The following ERBB4 variants were observed in gnomAD, a reference collection of about 807,000 sequenced individuals.
ERBB4 encodes receptor tyrosine-protein kinase erbB-4.
Under a neutral mutation model 158.0 loss-of-function variants are expected in ERBB4, and 42 were observed. The observed-to-expected ratio is 0.27, with a 90% CI of 0.21 to 0.34. The LOEUF is 0.34. Ranked by LOEUF, ERBB4 falls within the 10% of genes least tolerant of loss-of-function variation. ERBB4 has a pLI of 1.00. For missense variants in ERBB4, 1,333 were observed against 1,624.1 expected (o/e 0.82, Z 3.08); for synonymous variants, 583 against 558.7 (o/e 1.04, Z -0.61).
At chr2:211,818,070 T>G (rs2105933897) in intron 3 of ERBB4, among the ~76,000 whole-genome samples, 1 of 152,282 alleles carries the variant, frequency 6.6e-6, no homozygotes, top group South Asian at 2.1e-4. Context: ...TTCCCATCTC[T>G]TCCATTAAAA....
chr2:212,487,188 G>A (rs1575011792), intron 1 of ERBB4, among the ~76,000 whole-genome samples: 1 of 152,066 alleles, frequency 6.6e-6, no homozygotes, highest in Non-Finnish European at 1.5e-5. Context: ...CTTTGACTGG[G>A]GAGAGGGAGG....
intron 1 of ERBB4, among the ~76,000 whole-genome samples, chr2:212,332,627 C>A (rs181492123): frequency 3.3e-5 from 5 of 151,846 alleles, no homozygotes; most frequent in Non-Finnish European, 7.4e-5. Flanking sequence ...TCTTTCCAAG[C>A]GTTCTGGCAT....
At chr2:211,590,641 T>G (rs2068431991) in intron 19 of ERBB4, among the ~76,000 whole-genome samples, 1 of 151,798 alleles carries the variant, frequency 6.6e-6, no homozygotes, top group Non-Finnish European at 1.5e-5. Flanking sequence ...CACCAAACTG[T>G]CTTTATAAAC....
At chr2:212,249,241 A>G (rs1029936660) in intron 1 of ERBB4, among the ~76,000 whole-genome samples, 16 of 151,990 alleles carry the variant, frequency 1.1e-4, no homozygotes, top group Admixed American at 2.0e-4. Flanking sequence ...GAAGGTACAA[A>G]TCTCCCACAT....
At chr2:212,262,166 G>C (rs983783403) in intron 1 of ERBB4, among the ~76,000 whole-genome samples, 1 of 152,176 alleles carries the variant, frequency 6.6e-6, no homozygotes, top group East Asian at 1.9e-4. Flanking sequence ...AGGGAGAATA[G>C]GAAAATCATT....
chr2:212,058,738 C>G (rs987816988), intron 2 of ERBB4, among the ~76,000 whole-genome samples: 1 of 152,198 alleles, frequency 6.6e-6, no homozygotes, highest in Non-Finnish European at 1.5e-5. Flanking sequence ...CAAAATTCAA[C>G]AGCCCTTCAT....
rs754541689 is a variant in ERBB4 at position 211,561,999 on chromosome 2, T to C, written c.2391A>G (p.Gln797=). 3.7e-6 allele frequency: 6 copies of C among 1,614,114 alleles called. No individual in the cohort carries two copies. The Admixed American group carries it at 1.0e-4, about 27-fold the overall frequency. ...CCAACAGGCAGCCATGGGGCATAAG[T>C]TGAGTAACCAGCTGGATGGTTGGGC... is the stretch of plus-strand genomic sequence containing the variant. ...CLSPTIQLVT[Q]LMPHGCLLEY... The change falls in exon 20 of 28, where the codon CAA becomes CAG. Residue 797 remains glutamine (Q), a synonymous_variant. Coordinates refer to ENST00000342788, the MANE Select transcript of ERBB4 (RefSeq NM_005235.3).
chr2:212,196,507 G>T (rs1212808329), intron 1 of ERBB4, among the ~76,000 whole-genome samples: 1 of 151,976 alleles, frequency 6.6e-6, no homozygotes, highest in Admixed American at 6.6e-5. Flanking sequence ...GTCTAAGTGG[G>T]TCCATGTAGT....
In ERBB4 at chr2:212,172,616, A is replaced by T. The variant is rs544015218; in HGVS notation, c.83-47713T>A. On this transcript the variant is annotated intron_variant, in intron 1 of 27. Coordinates refer to ENST00000342788, the MANE Select transcript of ERBB4 (RefSeq NM_005235.3). ...CTATGCAGCCATAAAAAGGAAGGAG[A>T]CCATATTTTTTCCAGGAATATGGAT... is the stretch of plus-strand genomic sequence containing the variant. Among the ~76,000 whole-genome samples the T allele has an allele frequency of 7.0e-4, 107 of 152,226 alleles. 1 individual carries two copies. In the East Asian group the frequency reaches 0.019, roughly 27 times the overall value.
At chr2:211,584,524 C>A (rs1215281398) in intron 19 of ERBB4, among the ~76,000 whole-genome samples, 1 of 151,900 alleles carries the variant, frequency 6.6e-6, no homozygotes, top group Non-Finnish European at 1.5e-5. Flanking sequence ...GTTTCTTGAT[C>A]CGTGAAAAGA....
chr2:212,001,814 A>G (rs2076112375), intron 2 of ERBB4, among the ~76,000 whole-genome samples: 1 of 152,166 alleles, frequency 6.6e-6, no homozygotes, highest in African/African-American at 2.4e-5. Flanking sequence ...CTTTATCCCC[A>G]AATTATCAAT....
intron 3 of ERBB4, among the ~76,000 whole-genome samples, chr2:211,816,509 C>T (rs528524693): frequency 7.7e-5 from 11 of 142,018 alleles, no homozygotes; most frequent in Admixed American, 5.8e-4. Flanking sequence ...CCACTGCACT[C>T]CAGCCTGGGT....
chr2:211,908,394 A>G (rs1384223833), intron 3 of ERBB4, among the ~76,000 whole-genome samples: 1 of 151,810 alleles, frequency 6.6e-6, no homozygotes, highest in Non-Finnish European at 1.5e-5. Flanking sequence ...ACAATTACGT[A>G]GATTTTCTCT....
chr2:211,427,845 T>C (rs539455134), intron 22 of ERBB4, among the ~76,000 whole-genome samples: 2 of 152,122 alleles, frequency 1.3e-5, no homozygotes, highest in African/African-American at 4.8e-5. Flanking sequence ...GATTTTTTTT[T>C]TTTCTGTCAA....
intron 1 of ERBB4, among the ~76,000 whole-genome samples, chr2:212,351,408 T>C (rs988228334): frequency 2.0e-5 from 3 of 152,174 alleles, no homozygotes; most frequent in Admixed American, 6.6e-5. Context: ...GCTGTTGTTA[T>C]GGCAGCTTTA....
At chr2:211,471,501 C>T (rs150904043) in intron 20 of ERBB4, among the ~76,000 whole-genome samples, 22 of 151,854 alleles carry the variant, frequency 1.4e-4, no homozygotes, top group Non-Finnish European at 2.4e-4. Context: ...GATAAAGCAG[C>T]GCCAAAAAAA....
At chr2:212,192,071 GTTATATATA>G (rs1187248117) in intron 1 of ERBB4, among the ~76,000 whole-genome samples, 5 of 84,564 alleles carry the variant, frequency 5.9e-5, no homozygotes, top group East Asian at 6.2e-4. Context: ...TATGTTATAT[GTTATATATA>G]TTATATATAT....
intron 5 of ERBB4, among the ~76,000 whole-genome samples, chr2:211,743,282 G>A (rs1409339644): frequency 6.6e-6 from 1 of 152,136 alleles, no homozygotes; most frequent in African/African-American, 2.4e-5. Context: ...AATGCAAAAT[G>A]TATGCAAAGT....
intron 20 of ERBB4, among the ~76,000 whole-genome samples, chr2:211,503,241 A>T (rs1364152636): frequency 6.6e-6 from 1 of 152,088 alleles, no homozygotes; most frequent in African/African-American, 2.4e-5. Flanking sequence ...GCTGCAGCAA[A>T]ACATGACTCT....
Sources: allele counts gnomAD v4.1 joint callset (sites outside exome capture counted in the v4.1 genomes callset), GRCh38; gene constraint gnomAD v4.1.1; transcripts MANE v1.5; gene names NCBI Gene and HGNC (gene_info 2026-07-23, HGNC 2026-07-21).